PHTF2: variants seen among roughly 807,000 people sequenced by gnomAD.
PHTF2 encodes protein PHTF2.
A neutral mutation model predicts 101.2 loss-of-function variants in PHTF2; 60 were observed. The ratio of observed to expected loss-of-function variants is 0.59; its 90% CI spans 0.48 to 0.73. PHTF2 has a LOEUF of 0.73. Among genes scored for constraint, PHTF2 ranks in the 30% least tolerant of loss-of-function variants. PHTF2 has a pLI of 0.00. For missense variants in PHTF2, 747 were observed against 908.7 expected (o/e 0.82, Z 2.29); for synonymous variants, 311 against 307.3 (o/e 1.01, Z -0.13).
chr7:77,814,756 G>A (rs968180014), intron 1 of PHTF2, among the ~76,000 whole-genome samples: 2 of 151,864 alleles, frequency 1.3e-5, no homozygotes, highest in Non-Finnish European at 2.9e-5. Context: ...GTGAGCCACC[G>A]CGCCCGGTCT....
intron 3 of PHTF2, among the ~76,000 whole-genome samples, chr7:77,888,065 C>G (rs1045285490): frequency 2.0e-5 from 3 of 152,140 alleles, no homozygotes; most frequent in African/African-American, 7.2e-5. Flanking sequence ...ATATCTCTCT[C>G]TGTGTATCTA....
At chr7:77,911,928 T>G (rs1802435447) in intron 9 of PHTF2, among the ~76,000 whole-genome samples, 1 of 152,232 alleles carries the variant, frequency 6.6e-6, no homozygotes, top group African/African-American at 2.4e-5. Flanking sequence ...ATGCAACAAT[T>G]TAGTCACTGC....
At chr7:77,948,686 T>C (rs1806290123) in intron 16 of PHTF2, among the ~76,000 whole-genome samples, 1 of 152,106 alleles carries the variant, frequency 6.6e-6, no homozygotes, top group Admixed American at 6.5e-5. Flanking sequence ...ATATGAAACA[T>C]ACTGATCCTC....
At chr7:77,906,521 T>C (rs1330463728) in intron 7 of PHTF2, 1 of 152,210 alleles carries the variant, frequency 6.6e-6, no homozygotes, top group Non-Finnish European at 1.5e-5. Flanking sequence ...CCTGTTAAGA[T>C]ATACAGAAAA....
intron 3 of PHTF2, chr7:77,854,938 G>A (rs916011006): frequency 3.2e-6 from 2 of 619,872 alleles, no homozygotes; most frequent in East Asian, 2.8e-5. Context: ...TGGAATCAAG[G>A]AACCCAGGAG....
intron 3 of PHTF2, among the ~76,000 whole-genome samples, chr7:77,866,966 A>G (rs1194261375): frequency 6.6e-6 from 1 of 152,192 alleles, no homozygotes; most frequent in Admixed American, 6.5e-5. Flanking sequence ...ATGCTGCAAT[A>G]TGAAGGAAAA....
intron 2 of PHTF2, among the ~76,000 whole-genome samples, chr7:77,850,385 AGG>A (rs1796655724): frequency 7.2e-6 from 1 of 138,870 alleles, no homozygotes; most frequent in Admixed American, 7.2e-5. Context: ...AAAAAAAAAA[AGG>A]CACGATGGCT....
At chr7:77,923,440 T>A (rs934897432) in intron 11 of PHTF2, 4 of 985,234 alleles carry the variant, frequency 4.1e-6, no homozygotes, top group Non-Finnish European at 4.8e-6. Flanking sequence ...CTTGATGGTT[T>A]TGGGTTAAAC....
chr7:77,948,808 A>T (rs568323565), intron 16 of PHTF2, among the ~76,000 whole-genome samples: 1 of 152,306 alleles, frequency 6.6e-6, no homozygotes, highest in South Asian at 2.1e-4. Flanking sequence ...AATGATGGCA[A>T]AGGGAACTCT....
chr7:77,898,070 G>A (rs1801041318), intron 5 of PHTF2, among the ~76,000 whole-genome samples: 1 of 151,304 alleles, frequency 6.6e-6, no homozygotes, highest in South Asian at 2.1e-4. Context: ...TGGCTATTAG[G>A]GTGTGGCTCT....
chr7:77,807,054 AT>A (rs1793051479), intron 1 of PHTF2, among the ~76,000 whole-genome samples: 1 of 152,164 alleles, frequency 6.6e-6, no homozygotes, highest in South Asian at 2.1e-4. Context: ...TATACATATA[AT>A]TTTTTAAAGA....
intron 18 of PHTF2, among the ~76,000 whole-genome samples, chr7:77,953,462 G>T (rs1031114548): frequency 6.6e-6 from 1 of 151,998 alleles, no homozygotes; most frequent in Admixed American, 6.6e-5. Flanking sequence ...GTTCTCTTTC[G>T]GTTTCTAGTC....
chr7:77,840,010 A>T (rs1795748727), intron 1 of PHTF2: 1 of 359,730 alleles, frequency 2.8e-6, no homozygotes, highest in Non-Finnish European at 5.0e-6. Flanking sequence ...TTATTTATTC[A>T]TGCAAATAGA....
chr7:77,952,448 G>A (rs1806635351), intron 18 of PHTF2, among the ~76,000 whole-genome samples: 1 of 152,172 alleles, frequency 6.6e-6, no homozygotes, highest in Admixed American at 6.5e-5. Flanking sequence ...GGGTTCAGAA[G>A]AAGTGGGTGG....
intron 3 of PHTF2, among the ~76,000 whole-genome samples, chr7:77,886,534 C>T (rs891385098): frequency 6.6e-6 from 1 of 152,004 alleles, no homozygotes; most frequent in African/African-American, 2.4e-5. Flanking sequence ...TTGTTTGTCT[C>T]AGTGTATAGA....
chr7:77,854,862 G>C (rs1382706536), intron 3 of PHTF2: 4 of 749,032 alleles, frequency 5.3e-6, no homozygotes, highest in Non-Finnish European at 7.3e-6. Context: ...TGTTCTCTCT[G>C]TTCAGGGCAG....
chr7:77,806,816 T>C (rs1293046404), intron 1 of PHTF2, among the ~76,000 whole-genome samples: 1 of 152,162 alleles, frequency 6.6e-6, no homozygotes, highest in Non-Finnish European at 1.5e-5. Flanking sequence ...TCTTGTAGTT[T>C]TGTTTGTAGT....
chr7:77,925,889 C>A (rs1803953172), intron 11 of PHTF2, among the ~76,000 whole-genome samples: 1 of 151,936 alleles, frequency 6.6e-6, no homozygotes, highest in Admixed American at 6.6e-5. Context: ...AACCCCGTCT[C>A]TACGAAAAAT....
At chr7:77,871,414 T>A (rs1043009287) in intron 3 of PHTF2, among the ~76,000 whole-genome samples, 2 of 152,184 alleles carry the variant, frequency 1.3e-5, no homozygotes, top group Non-Finnish European at 2.9e-5. Context: ...CAGGTGGCAA[T>A]CTTAACTTCC....
Sources: allele counts gnomAD v4.1 joint callset (sites outside exome capture counted in the v4.1 genomes callset), GRCh38; gene constraint gnomAD v4.1.1; transcripts MANE v1.5; gene names NCBI Gene and HGNC (gene_info 2026-07-23, HGNC 2026-07-21).